The following SERBP1 variants were observed in gnomAD, a reference collection of about 807,000 sequenced individuals.
The protein encoded by SERBP1 is SERPINE1 mRNA binding protein 1.
Under a neutral mutation model 50.2 loss-of-function variants are expected in SERBP1, and 6 were observed. The ratio of observed to expected loss-of-function variants is 0.12; its 90% confidence interval spans 0.07 to 0.24. The LOEUF (loss-of-function observed/expected upper bound fraction) is 0.24, where lower values mean the gene tolerates loss of function less well. Among genes scored for constraint, SERBP1 ranks in the 10% least tolerant of loss-of-function variants. The pLI, the probability that SERBP1 is intolerant of heterozygous loss-of-function variation, is 1.00. For synonymous variants in SERBP1, 168 were observed against 182.8 expected, an observed-to-expected ratio of 0.92 and a Z score of 0.65; for missense variants, 346 against 524.9, an observed-to-expected ratio of 0.66 and a Z score of 3.33.
chr1:67,414,901 T>C (rs1666953138), intron 7 of SERBP1, among the ~76,000 whole-genome samples: 1 of 152,124 alleles, frequency 6.6e-6, no homozygotes, highest in Non-Finnish European at 1.5e-5. Context: ...AAGAATTAAA[T>C]GACATTAAGT....
chr1:67,428,109 A>G (rs905603100), intron 1 of SERBP1, among the ~76,000 whole-genome samples: 13 of 152,242 alleles, frequency 8.5e-5, no homozygotes, highest in Non-Finnish European at 8.8e-5. Flanking sequence ...AGGACAGTAG[A>G]ATCTCAAAAC....
intron 1 of SERBP1, among the ~76,000 whole-genome samples, chr1:67,428,539 A>G (rs1330181968): frequency 2.0e-5 from 3 of 152,202 alleles, no homozygotes; most frequent in Non-Finnish European, 4.4e-5. Flanking sequence ...ACACGAATTA[A>G]ATGATTTATT....
intron 1 of SERBP1, among the ~76,000 whole-genome samples, chr1:67,428,925 T>G (rs928681132): frequency 6.6e-6 from 1 of 152,162 alleles, no homozygotes; most frequent in Non-Finnish European, 1.5e-5. Flanking sequence ...ATTCAGACCT[T>G]AGGTCCAACA....
intron 6 of SERBP1, among the ~76,000 whole-genome samples, chr1:67,418,230 C>T (rs1557502664): frequency 6.6e-6 from 1 of 151,880 alleles, no homozygotes; most frequent in Admixed American, 6.6e-5. Context: ...CCGCCTCAGT[C>T]TCCCAAAAGT....
Position 67,409,431 on chromosome 1 carries a change from A to ACACACACACACC in SERBP1, c.*3775_*3776insGGTGTGTGTGTG, listed in dbSNP as rs1366902255. The ACACACACACACC allele has an allele frequency of 7.1e-6, 1 of 141,294 alleles. No homozygotes were observed. Among genetic ancestry groups the ACACACACACACC allele is most frequent in the Non-Finnish European group, 1.5e-5 (1 of 65,544 alleles). The allele number at this position is 141,294 out of a possible 1,614,324, so 8.8% of individuals were successfully genotyped here. A position where few individuals can be genotyped will look rare whatever the true frequency, so the allele number is the denominator to read the frequency against. On this transcript the variant is annotated 3_prime_UTR_variant, in exon 8 of 8. Coordinates refer to ENST00000361219, the MANE Select transcript of SERBP1 (RefSeq NM_001018069.2). ...CACACACACACACACCCCCACACAC[A>ACACACACACACC]CCAGGTCACAGGCTGAACTTTGCTG...
rs764105030 is a variant in SERBP1 at position 67,430,033 on chromosome 1, C to G, written c.268G>C (p.Asp90His). Residue 90 changes from aspartate to histidine, a missense_variant, in exon 1 of 8, where the codon GAC becomes CAC. By Grantham distance (81) the Asp-to-His change is moderately conservative. Coordinates refer to ENST00000361219, the MANE Select transcript of SERBP1 (RefSeq NM_001018069.2). ...NPLPPSVGVV[D>H]KKEETQPPVA... ...GGCGGCTGCGTCTCCTCTTTCTTGT[C>G]AACCACGCCAACGCTGGGGGGCAGC... is the stretch of plus-strand genomic sequence containing the variant. 1 of 1,612,804 alleles carries G rather than the reference C, an allele frequency of 6.2e-7. No individual in the cohort carries two copies. The highest frequency in any genetic ancestry group is 1.7e-4 in the Middle Eastern group (1 of 6,032).
At chr1:67,429,711 G>A in intron 1 of SERBP1, 1 of 332,684 alleles carries the variant, frequency 3.0e-6, no homozygotes. Flanking sequence ...CCTCGAGCGC[G>A]CTCGAGGAGC....
chr1:67,424,947 G>C lies in SERBP1; in HGVS notation c.636C>G (p.His212Gln). 6.2e-7 allele frequency: 1 copy of C among 1,612,896 alleles called. No homozygotes were observed. Among genetic ancestry groups the C allele is most frequent in the Non-Finnish European group, 8.5e-7 (1 of 1,179,850 alleles). Residue 212 changes from histidine (H) to glutamine (Q), a missense_variant, in exon 4 of 8, where the codon CAC becomes CAG. By Grantham distance (24) the His-to-Gln change is conservative. Transcript: ENST00000361219. The stretch of plus-strand genomic sequence containing the variant: ...ATCCGCTACCTCCACGTTTGTCCTC[G>C]TGCTTCAGGCCACTGTAATGTGAAA... ...SSFSHYSGLK[H>Q]EDKRGGSGSH...
rs1235874490 is a variant in SERBP1 at position 67,424,792 on chromosome 1, G to A, written c.695+96C>T. ...GTAATATAGTAACTCTCAGAAGAGA[G>A]CATTCATTCTTATCTCAGAGACAAG... On this transcript the variant is annotated intron_variant, in intron 4 of 7. Transcript: ENST00000361219. 1.3e-5 allele frequency: 12 copies of A among 912,000 alleles called. No individual in the cohort carries two copies. In the African/African-American group the frequency reaches 2.0e-4, roughly 15 times the overall value. The allele number at this position is 912,000 out of a possible 1,614,324, so 56.5% of individuals were successfully genotyped here.
intron 7 of SERBP1, 83 bp downstream of exon 7, chr1:67,415,083 C>G (rs1666958592): frequency 2.8e-6 from 4 of 1,404,010 alleles, no homozygotes; most frequent in Non-Finnish European, 3.8e-6. Flanking sequence ...CTTATGTTCC[C>G]AAAAGTGACA....
chr1:67,421,243 A>G (rs1309416563), intron 5 of SERBP1, among the ~76,000 whole-genome samples: 1 of 152,196 alleles, frequency 6.6e-6, no homozygotes, highest in African/African-American at 2.4e-5. Flanking sequence ...ATCTAAGAAT[A>G]TAAAAAAAGT....
At chr1:67,415,830 T>C (rs188076709) in intron 6 of SERBP1, among the ~76,000 whole-genome samples, 2 of 152,186 alleles carry the variant, frequency 1.3e-5, no homozygotes, top group East Asian at 3.9e-4. Flanking sequence ...ACAACTAGGG[T>C]AAAGACCTTA....
chr1:67,416,176 C>G (rs1461247893), intron 6 of SERBP1, among the ~76,000 whole-genome samples: 1 of 152,136 alleles, frequency 6.6e-6, no homozygotes, highest in East Asian at 1.9e-4. Flanking sequence ...TGACACCTGG[C>G]TAATTTTTTT....
chr1:67,424,332 G>C (rs778351168), intron 4 of SERBP1, 55 bp from the exon 5 acceptor site: 5 of 1,577,632 alleles, frequency 3.2e-6, no homozygotes, highest in Non-Finnish European at 4.3e-6. Flanking sequence ...TCTAAGGAAA[G>C]AAAGAAAAAG....
chr1:67,413,672 A>G (rs1024590949), intron 7 of SERBP1, among the ~76,000 whole-genome samples: 3 of 151,046 alleles, frequency 2.0e-5, no homozygotes, highest in Non-Finnish European at 4.4e-5. Context: ...AAAAAATCCT[A>G]CTGTTAAAAT....
Position 67,430,338 on chromosome 1 carries a change from G to A in SERBP1, c.-38C>T, listed in dbSNP as rs760191815. 14 of 1,493,764 alleles carry A rather than the reference G, an allele frequency of 9.4e-6. No individual in the cohort carries two copies. In the Admixed American group the frequency reaches 2.4e-4, roughly 26 times the overall value. 92.5% of individuals were successfully genotyped at this position (1,493,764 alleles called of 1,614,324 possible). A position where few individuals can be genotyped will look rare whatever the true frequency, so the allele number is the denominator to read the frequency against. On this transcript the variant is annotated 5_prime_UTR_variant, in exon 1 of 8. Transcript: ENST00000361219. Reference sequence around the variant, plus strand: ...GCGGCGCGTTCCTCCACGGATTGCAGCGGGCCGCGCCGAGCCAAGAGCGCC... The same window carrying A: ...GCGGCGCGTTCCTCCACGGATTGCAACGGGCCGCGCCGAGCCAAGAGCGCC...
chr1:67,418,388 C>T (rs1051878409), intron 6 of SERBP1, among the ~76,000 whole-genome samples: 2 of 152,116 alleles, frequency 1.3e-5, no homozygotes, highest in Non-Finnish European at 2.9e-5. Context: ...CCTAAAAAAA[C>T]TTTTAATCTT....
At chr1:67,428,997 G>A (rs887314410) in intron 1 of SERBP1, among the ~76,000 whole-genome samples, 3 of 151,320 alleles carry the variant, frequency 2.0e-5, no homozygotes, top group African/African-American at 7.3e-5. Context: ...TTTTTCATCC[G>A]CAACAAACTG....
intron 3 of SERBP1, 48 bp from the exon 4 acceptor site, chr1:67,425,025 A>C (rs746846668): frequency 1.2e-6 from 2 of 1,600,924 alleles, no homozygotes; most frequent in Admixed American, 3.4e-5. Flanking sequence ...AGAAATTCAA[A>C]GTTTGTTTAT....
Sources: allele counts gnomAD v4.1 joint callset (sites outside exome capture counted in the v4.1 genomes callset), GRCh38; gene constraint gnomAD v4.1.1; transcripts MANE v1.5; gene names NCBI Gene and HGNC (gene_info 2026-07-23, HGNC 2026-07-21).